Variants in ROR1 observed in about 807,000 individuals in gnomAD.
ROR1 encodes the protein inactive tyrosine-protein kinase transmembrane receptor ROR1.
In ROR1, 19 loss-of-function variants were observed where a neutral mutation model predicts 78.8. That is an observed-to-expected ratio of 0.24 (90% CI 0.17 to 0.35). ROR1 has a LOEUF of 0.35. Ranked by LOEUF, ROR1 falls within the 10% of genes least tolerant of loss-of-function variation. ROR1 has a pLI of 1.00. For missense variants in ROR1, 917 were observed against 1,177.8 expected (o/e 0.78, Z 3.24); for synonymous variants, 386 against 433.6 (o/e 0.89, Z 1.36).
chr1:64,134,633 G>A (rs944379093), intron 4 of ROR1, among the ~76,000 whole-genome samples: 7 of 152,038 alleles, frequency 4.6e-5, no homozygotes, highest in Non-Finnish European at 1.0e-4. Flanking sequence ...TCACCTGATA[G>A]GTTTCTTTAA....
chr1:64,156,362 A>G (rs1049023534), intron 7 of ROR1, among the ~76,000 whole-genome samples: 1 of 152,222 alleles, frequency 6.6e-6, no homozygotes, highest in Non-Finnish European at 1.5e-5. Flanking sequence ...CACAATCATT[A>G]CTGGTGCAAC....
chr1:64,076,423 A>G (rs1199358474), intron 4 of ROR1, among the ~76,000 whole-genome samples: 1 of 152,204 alleles, frequency 6.6e-6, no homozygotes, highest in East Asian at 1.9e-4. Flanking sequence ...AGCTTGAGGA[A>G]ATCCTAAAAT....
chr1:63,871,340 G>T (rs78756289), intron 1 of ROR1, among the ~76,000 whole-genome samples: 1,743 of 152,198 alleles, frequency 0.011, 41 homozygotes, highest in African/African-American at 0.041. Flanking sequence ...TTGAGGCCTC[G>T]AGCTGAGGAA....
In ROR1 at chr1:63,919,489, T is replaced by G. The variant is rs1222903679; in HGVS notation, c.92-89816T>G. ...TATGAGCAGTGTTCATTGAATTGGC[T>G]TTTTTTTTTTTTTTTTGCACTAGAT... is the stretch of plus-strand genomic sequence containing the variant. On this transcript the variant is annotated intron_variant, in intron 1 of 8. Transcript: ENST00000371079. Among the ~76,000 whole-genome samples, 32 of 22,348 alleles carry G rather than the reference T, an allele frequency of 1.4e-3. No homozygotes were observed. The South Asian group carries it at 0.049, about 34-fold the overall frequency. 14.7% of individuals were successfully genotyped at this position (22,348 alleles called of 152,430 possible).
chr1:63,856,888 T>G (rs1360473743), intron 1 of ROR1, among the ~76,000 whole-genome samples: 1 of 152,206 alleles, frequency 6.6e-6, no homozygotes, highest in Non-Finnish European at 1.5e-5. Context: ...TTAGGAGCCC[T>G]TTCTCTGGTC....
At position 64,142,454 on chromosome 1, in the gene ROR1, T is replaced by C; in HGVS notation, c.978T>C (p.Ser326=). Residue 326 remains serine (S), a synonymous_variant, in exon 7 of 9, where the codon AGT becomes AGC. Coordinates refer to ENST00000371079, the MANE Select transcript of ROR1 (RefSeq NM_005012.4). The part of the protein sequence containing the change: ...STGVDYRGTV[S]VTKSGRQCQP... ...GTGTGGACTACCGGGGGACCGTCAGTGTGACCAAATCAGGGCGCCAGTGCC... is the reference window on the plus strand; with the variant it reads ...GTGTGGACTACCGGGGGACCGTCAGCGTGACCAAATCAGGGCGCCAGTGCC... 2 of 1,614,160 alleles carry C rather than the reference T, an allele frequency of 1.2e-6. No homozygotes were observed. Among genetic ancestry groups the C allele is most frequent in the African/African-American group, 1.3e-5 (1 of 75,044 alleles).
intron 4 of ROR1, among the ~76,000 whole-genome samples, chr1:64,091,080 C>T (rs1464784878): frequency 1.3e-5 from 2 of 152,150 alleles, no homozygotes; most frequent in Non-Finnish European, 2.9e-5. Flanking sequence ...TTCAAATACC[C>T]ATCTGTCTGG....
chr1:63,805,726 C>T (rs1003551184), intron 1 of ROR1, among the ~76,000 whole-genome samples: 4 of 152,206 alleles, frequency 2.6e-5, no homozygotes, highest in Non-Finnish European at 5.9e-5. Flanking sequence ...TAAGATGCTT[C>T]ATTACAGGCC....
intron 1 of ROR1, among the ~76,000 whole-genome samples, chr1:64,002,811 G>A (rs371002002): frequency 5.9e-5 from 9 of 152,278 alleles, no homozygotes; most frequent in East Asian, 1.9e-4. Context: ...AACATTGATC[G>A]TTGAGGAGCT....
intron 4 of ROR1, among the ~76,000 whole-genome samples, chr1:64,073,825 T>C (rs1296385956): frequency 6.6e-6 from 1 of 151,684 alleles, no homozygotes; most frequent in Non-Finnish European, 1.5e-5. Flanking sequence ...TAACACAATG[T>C]GTGGGAAAGG....
chr1:64,012,530 A>G (rs1049595758), intron 2 of ROR1, among the ~76,000 whole-genome samples: 5 of 152,224 alleles, frequency 3.3e-5, no homozygotes, highest in Non-Finnish European at 7.3e-5. Context: ...ATCCTCATGC[A>G]TGAAGGTTTT....
intron 1 of ROR1, among the ~76,000 whole-genome samples, chr1:63,874,437 G>T (rs1007872132): frequency 2.0e-5 from 3 of 152,052 alleles, no homozygotes; most frequent in Non-Finnish European, 4.4e-5. Flanking sequence ...ATGAATCATA[G>T]CATCTGCTTA....
At chr1:64,083,563 A>G (rs1285491641) in intron 4 of ROR1, among the ~76,000 whole-genome samples, 2 of 118,294 alleles carry the variant, frequency 1.7e-5, no homozygotes, top group African/African-American at 6.2e-5. Context: ...CATTTCCAGA[A>G]GAGGGCTTTA....
chr1:63,987,853 T>C (rs1167119484), intron 1 of ROR1, among the ~76,000 whole-genome samples: 2 of 152,200 alleles, frequency 1.3e-5, no homozygotes, highest in Non-Finnish European at 2.9e-5. Flanking sequence ...TTAGTCAACG[T>C]CAATGGAAGT....
intron 2 of ROR1, among the ~76,000 whole-genome samples, chr1:64,039,648 A>G (rs1646730748): frequency 6.6e-6 from 1 of 152,194 alleles, no homozygotes; most frequent in South Asian, 2.1e-4. Context: ...AAGCTTCCAC[A>G]GTGAGGATCA....
Position 64,142,502 on chromosome 1 carries a change from C to A in ROR1, c.1026C>A (p.Pro342=). ...RQCQPWNSQY[P]HTHTFTALRF... The stretch of plus-strand genomic sequence containing the variant: ...GCCAGCCATGGAATTCCCAGTATCC[C>A]CACACACACACTTTCACCGCCCTTC... The change falls in exon 7 of 9, where the codon CCC becomes CCA. Residue 342 remains proline, a synonymous_variant. Transcript: ENST00000371079. The A allele has an allele frequency of 6.2e-7, 1 of 1,614,132 alleles. No individual in the cohort carries two copies. Among genetic ancestry groups the A allele is most frequent in the Non-Finnish European group, 8.5e-7 (1 of 1,180,010 alleles).
chr1:63,870,879 G>T (rs1346414234), intron 1 of ROR1, among the ~76,000 whole-genome samples: 1 of 152,226 alleles, frequency 6.6e-6, no homozygotes, highest in Non-Finnish European at 1.5e-5. Flanking sequence ...GGAACCAGTG[G>T]AGTAGAGGAT....
At chr1:64,174,281 T>C (rs1229624924) in intron 8 of ROR1, among the ~76,000 whole-genome samples, 1 of 152,208 alleles carries the variant, frequency 6.6e-6, no homozygotes, top group Non-Finnish European at 1.5e-5. Flanking sequence ...GGTCAGTGAT[T>C]AATATTATAA....
At chr1:64,136,323 A>G (rs1557668861) in intron 4 of ROR1, among the ~76,000 whole-genome samples, 1 of 150,838 alleles carries the variant, frequency 6.6e-6, no homozygotes, top group Non-Finnish European at 1.5e-5. Context: ...AGGGATTTTT[A>G]CTTAGAAGAA....
Sources: gnomAD v4.1 joint callset for allele counts (sites outside exome capture counted in the v4.1 genomes callset) on GRCh38, gnomAD v4.1.1 for gene constraint, MANE v1.5 for transcripts, NCBI Gene and HGNC (gene_info 2026-07-23, HGNC 2026-07-21) for gene names.